Variants in SLC2A9 observed in about 807,000 individuals in gnomAD.
SLC2A9 encodes solute carrier family 2, facilitated glucose transporter member 9.
A neutral mutation model predicts 50.6 loss-of-function variants in SLC2A9; 39 were observed. That is an observed-to-expected ratio of 0.77 (90% confidence interval 0.60 to 1.01). SLC2A9 has a LOEUF of 1.01. Ranked by LOEUF, SLC2A9 falls within the 50% of genes least tolerant of loss-of-function variation. The pLI is 0.00. For synonymous variants in SLC2A9, 324 were observed against 276.9 expected (o/e 1.17, Z -1.69); for missense variants, 686 against 677.6 (o/e 1.01, Z -0.14).
intron 8 of SLC2A9, among the ~76,000 whole-genome samples, chr4:9,893,872 TGCAACACATGTTAATCTCAGC>T (rs1461855157): frequency 6.6e-6 from 1 of 152,172 alleles, no homozygotes; most frequent in Admixed American, 6.5e-5. Context: ...AGTGTAACAA[TGCAACACATGTTAATCTCAGC>T]GCAACACATG....
chr4:9,780,287 G>T (rs534316516), intron 3 of SLC2A9, among the ~76,000 whole-genome samples: 208 of 152,296 alleles, frequency 1.4e-3, no homozygotes, highest in African/African-American at 5.0e-3. Flanking sequence ...GATGGAGGAG[G>T]CACAATTCTG....
chr4:10,001,682 G>GT (rs1313954836), intron 2 of SLC2A9, among the ~76,000 whole-genome samples: 1 of 152,190 alleles, frequency 6.6e-6, no homozygotes, highest in Non-Finnish European at 1.5e-5. Flanking sequence ...CTTCATCAGG[G>GT]TGCTACCAGC....
At chr4:10,008,882 T>C (rs915583444) in intron 2 of SLC2A9, among the ~76,000 whole-genome samples, 3 of 150,656 alleles carry the variant, frequency 2.0e-5, no homozygotes, top group Non-Finnish European at 3.0e-5. Flanking sequence ...AGCTTCATTA[T>C]CAAATTTCTG....
chr4:9,772,069 A>C (rs1716896733), intron 1 of SLC2A9, among the ~76,000 whole-genome samples: 1 of 152,214 alleles, frequency 6.6e-6, no homozygotes, highest in East Asian at 1.9e-4. Flanking sequence ...TGTGGGTTGC[A>C]GGGAATCATA....
intron 2 of SLC2A9, among the ~76,000 whole-genome samples, chr4:10,001,785 T>C (rs1314098027): frequency 6.6e-6 from 1 of 152,202 alleles, no homozygotes; most frequent in Non-Finnish European, 1.5e-5. Flanking sequence ...ATGTCCTCTA[T>C]TGGACATTTA....
At chr4:10,016,202 T>C (rs370328668) in intron 2 of SLC2A9, among the ~76,000 whole-genome samples, 2 of 152,236 alleles carry the variant, frequency 1.3e-5, no homozygotes, top group South Asian at 2.1e-4. Context: ...AGAAGTCCCA[T>C]GGCCTAACAC....
chr4:9,871,872 C>T (rs1275796066), intron 10 of SLC2A9, among the ~76,000 whole-genome samples: 2 of 152,172 alleles, frequency 1.3e-5, no homozygotes, highest in African/African-American at 2.4e-5. Flanking sequence ...GTCTCCTGGG[C>T]TGCCATGAGG....
chr4:9,971,941 C>T lies in SLC2A9; in HGVS notation c.681+8651G>A, dbSNP rs79718650. On this transcript the variant is annotated intron_variant, in intron 5 of 11. Coordinates refer to ENST00000264784, the MANE Select transcript of SLC2A9 (RefSeq NM_020041.3). ...TGCCTGTCCAACCTTGGACTGATGC[C>T]ACCCTTGTTACTGATCCTTCTATTC... Among the ~76,000 whole-genome samples, 1,435 of 152,306 alleles carry T rather than the reference C, an allele frequency of 9.4e-3. 27 individuals carry two copies. Among genetic ancestry groups the T allele is most frequent in the African/African-American group, 0.033 (1,384 of 41,558 alleles).
At chr4:9,795,948 T>C (rs1191613821), downstream of SLC2A9, among the ~76,000 whole-genome samples, 8 of 152,368 alleles carry the variant, frequency 5.3e-5, no homozygotes, top group African/African-American at 1.9e-4. Flanking sequence ...CTAACTCATT[T>C]ACTGTCCCAA....
At chr4:10,016,074 C>A (rs919029014) in intron 2 of SLC2A9, among the ~76,000 whole-genome samples, 32 of 152,144 alleles carry the variant, frequency 2.1e-4, no homozygotes, top group Non-Finnish European at 4.4e-5. Context: ...GTATGCATGA[C>A]GAGCCGTGGT....
At chr4:9,847,524 T>G (rs1729178373) in intron 10 of SLC2A9, among the ~76,000 whole-genome samples, 1 of 152,202 alleles carries the variant, frequency 6.6e-6, no homozygotes, top group Non-Finnish European at 1.5e-5. Flanking sequence ...TATCAATGAT[T>G]ACGGCGATTC....
At position 9,955,422 on chromosome 4, in the gene SLC2A9, G is replaced by A; in HGVS notation, c.682-13377C>T. 4.1e-5 allele frequency among the ~76,000 whole-genome samples: 2 copies of A among 48,720 alleles called. 1 individual carries two copies. The highest frequency in any genetic ancestry group is 4.8e-4 in the East Asian group (2 of 4,188). The allele number at this position is 48,720 out of a possible 152,430, so 32.0% of individuals were successfully genotyped here. ...AGGCAGGAGAATGGCGTGAACCCGG[G>A]AGGCGGAGCTTGCAGTGAGCCGAGA... On this transcript the variant is annotated intron_variant, in intron 5 of 11. Transcript: ENST00000264784.
Position 9,868,081 on chromosome 4 carries a change from AGT to A in SLC2A9, c.1291+19484_1291+19485del, listed in dbSNP as rs1732798306. Among the ~76,000 whole-genome samples the A allele has an allele frequency of 3.3e-5, 5 of 152,166 alleles. No homozygotes were observed. In the South Asian group the frequency reaches 1.0e-3, roughly 31 times the overall value. On this transcript the variant is annotated intron_variant, in intron 10 of 11. Transcript: ENST00000264784. ...CAGCCTTGGAGCTGAAAGATCCCCA[AGT>A]GGTGGATTTGCGCCTGACCCGGGAT...
At chr4:10,021,002 C>G (rs552696873) in intron 1 of SLC2A9, among the ~76,000 whole-genome samples, 1 of 152,358 alleles carries the variant, frequency 6.6e-6, no homozygotes, top group South Asian at 2.1e-4. Context: ...CACCACCATG[C>G]AAGTGCGGGG....
chr4:9,986,097 C>A (rs1161386621), intron 3 of SLC2A9, among the ~76,000 whole-genome samples: 2 of 152,194 alleles, frequency 1.3e-5, no homozygotes, highest in Non-Finnish European at 2.9e-5. Flanking sequence ...TCTTACAATT[C>A]GTGAGTCAGG....
At chr4:9,918,464 G>A (rs1014346035) in intron 7 of SLC2A9, among the ~76,000 whole-genome samples, 18 of 152,160 alleles carry the variant, frequency 1.2e-4, no homozygotes, top group Admixed American at 3.9e-4. Flanking sequence ...GATGGCCTGG[G>A]GACACAGCCT....
chr4:9,989,550 G>C (rs1397720082), intron 3 of SLC2A9, among the ~76,000 whole-genome samples: 1 of 151,944 alleles, frequency 6.6e-6, no homozygotes, highest in African/African-American at 2.4e-5. Context: ...TCTGTGCCCA[G>C]ACACCTGCCT....
chr4:9,832,433 G>A (rs958712719), intron 11 of SLC2A9, among the ~76,000 whole-genome samples: 1 of 152,106 alleles, frequency 6.6e-6, no homozygotes, highest in African/African-American at 2.4e-5. Context: ...AATACTAAAC[G>A]TATCTACCTG....
chr4:9,953,980 T>G (rs1750758055), intron 5 of SLC2A9, among the ~76,000 whole-genome samples: 1 of 152,002 alleles, frequency 6.6e-6, no homozygotes, highest in African/African-American at 2.4e-5. Flanking sequence ...CGGCTGATTT[T>G]GTATTTTTGG....
Sources: allele counts gnomAD v4.1 joint callset (sites outside exome capture counted in the v4.1 genomes callset), GRCh38; gene constraint gnomAD v4.1.1; transcripts MANE v1.5; gene names NCBI Gene and HGNC (gene_info 2026-07-23, HGNC 2026-07-21).